ATXN7L2: variants seen among roughly 807,000 people sequenced by gnomAD.
ATXN7L2 encodes ataxin-7-like protein 2.
Under a neutral mutation model 59.6 loss-of-function variants are expected in ATXN7L2, and 17 were observed. That is an observed-to-expected ratio of 0.29 (90% CI 0.20 to 0.43). The LOEUF is 0.43. Ranked by LOEUF, ATXN7L2 falls within the 20% of genes least tolerant of loss-of-function variation. The pLI is 1.00. For synonymous variants in ATXN7L2, 378 were observed against 392.5 expected (o/e 0.96, Z 0.44); for missense variants, 858 against 1,008.9 (o/e 0.85, Z 2.03).
intron 10 of ATXN7L2, chr1:109,492,133 C>T (rs1447649886): frequency 3.8e-6 from 4 of 1,052,086 alleles, no homozygotes; most frequent in Non-Finnish European, 4.6e-6. Flanking sequence ...CTGGTTTTTC[C>T]TCTGGGCATC....
chr1:109,488,293 A>C lies in ATXN7L2; in HGVS notation c.797-90A>C. Reference sequence around the variant, plus strand: ...CTGGAGTCTCTTCTGCCTTAGTACCAGTTCTCAGGCCCTTGGCAGGAAGCG... The same window carrying C: ...CTGGAGTCTCTTCTGCCTTAGTACCCGTTCTCAGGCCCTTGGCAGGAAGCG... On this transcript the variant is annotated intron_variant, in intron 5 of 10. Transcript: ENST00000683729. This position sits in a 1 kb window ranked among gnomAD's most constrained non-coding sequence, Gnocchi z 5.0. 3 of 1,230,222 alleles carry C rather than the reference A, an allele frequency of 2.4e-6. No homozygotes were observed. The highest frequency in any genetic ancestry group is 3.5e-6 in the Non-Finnish European group (3 of 854,582). 76.2% of individuals were successfully genotyped at this position (1,230,222 alleles called of 1,614,324 possible). A position where few individuals can be genotyped will look rare whatever the true frequency, so the allele number is the denominator to read the frequency against.
At chr1:109,490,449 C>T in intron 9 of ATXN7L2, 57 bp downstream of exon 9, 1 of 1,585,542 alleles carries the variant, frequency 6.3e-7, no homozygotes, top group Non-Finnish European at 8.6e-7. Flanking sequence ...AGGTTCCAGA[C>T]ATACTTGGGC....
At position 109,492,691 on chromosome 1, in the gene ATXN7L2, A is replaced by C. The variant is rs1030459146; in HGVS notation, c.*91A>C. 41 of 1,450,324 alleles carry C rather than the reference A, an allele frequency of 2.8e-5. No homozygotes were observed. Among genetic ancestry groups the C allele is most frequent in the Non-Finnish European group, 3.7e-5 (40 of 1,075,352 alleles). 89.8% of individuals were successfully genotyped at this position (1,450,324 alleles called of 1,614,324 possible). Reference sequence around the variant, plus strand: ...GGCTGCTGCCGCTTTTTATAACTTTATATTATTTTTTTTTAAGAAAAAAAG... The same window carrying C: ...GGCTGCTGCCGCTTTTTATAACTTTCTATTATTTTTTTTTAAGAAAAAAAG... On this transcript the variant is annotated 3_prime_UTR_variant, in exon 11 of 11. Coordinates refer to ENST00000683729, the MANE Select transcript of ATXN7L2 (RefSeq NM_001350175.2).
At chr1:109,485,460 C>T in intron 1 of ATXN7L2, 8 of 985,408 alleles carry the variant, frequency 8.1e-6, no homozygotes, top group Non-Finnish European at 9.6e-6. Context: ...CTGTGACCAT[C>T]CTATCAGTGC....
Position 109,489,050 on chromosome 1 carries a change from C to G in ATXN7L2, c.1083C>G (p.Ser361Arg). 6.8e-6 allele frequency: 11 copies of G among 1,614,160 alleles called. No individual in the cohort carries two copies. Among genetic ancestry groups the G allele is most frequent in the Non-Finnish European group, 7.6e-6 (9 of 1,180,006 alleles). Reference protein sequence around the residue: ...QVVAAVAAPSSTFSVRAKQTY... With the variant: ...QVVAAVAAPSRTFSVRAKQTY... ...TAGCAGCGGTGGCTGCTCCCAGCAG[C>G]ACCTTCTCTGTTCGTGCCAAGCAGA... Residue 361 changes from serine to arginine, a missense_variant, in exon 7 of 11, where the codon AGC (serine) becomes AGG (arginine). Around this residue, in one of 3 missense-constraint regions of ATXN7L2, gnomAD observed 734 missense variants for 862.3 expected, o/e 0.85. Coordinates refer to ENST00000683729, the MANE Select transcript of ATXN7L2 (RefSeq NM_001350175.2).
Position 109,491,889 on chromosome 1 carries a change from C to G in ATXN7L2, c.2250+172C>G. ...TAGGTCAGTTCTTAGCAAAGTGACTCCAGCTTTTTGCCTGGTGAACCTTCC... is the reference window on the plus strand; with the variant it reads ...TAGGTCAGTTCTTAGCAAAGTGACTGCAGCTTTTTGCCTGGTGAACCTTCC... On this transcript the variant is annotated intron_variant, in intron 10 of 10. Transcript: ENST00000683729. This position sits in a 1 kb window ranked among gnomAD's most constrained non-coding sequence, Gnocchi z 4.1. 1 of 1,190,798 alleles carries G rather than the reference C, an allele frequency of 8.4e-7. No individual in the cohort carries two copies. Among genetic ancestry groups the G allele is most frequent in the Non-Finnish European group, 1.1e-6 (1 of 884,564 alleles). The allele number at this position is 1,190,798 out of a possible 1,614,324, so 73.8% of individuals were successfully genotyped here.
chr1:109,492,785 A>G, downstream of ATXN7L2: 1 of 728,816 alleles, frequency 1.4e-6, no homozygotes, highest in Non-Finnish European at 2.1e-6. Context: ...ACAGAAACAT[A>G]GAAAAGGAAG....
At position 109,491,006 on chromosome 1, in the gene ATXN7L2, C is replaced by G. The variant is rs1657009220; in HGVS notation, c.1539C>G (p.Thr513=). 3 of 1,613,310 alleles carry G rather than the reference C, an allele frequency of 1.9e-6. No homozygotes were observed. In the Admixed American group the frequency reaches 5.0e-5, roughly 27 times the overall value. The change falls in exon 10 of 11, where the codon ACC becomes ACG. Residue 513 remains threonine, a synonymous_variant. Transcript: ENST00000683729. The surrounding 1 kb of genome is among the most constrained non-coding windows in gnomAD (Gnocchi z 4.1). ...SAPLSPSSTG[T]CPRLPGPTLR... ...CCCTGAGCCCATCCTCTACAGGCAC[C>G]TGCCCCCGCCTTCCAGGTCCAACCC...
At chr1:109,490,834 G>A in intron 9 of ATXN7L2, 88 bp from the exon 10 acceptor site, 1 of 1,412,692 alleles carries the variant, frequency 7.1e-7, no homozygotes. Context: ...CCATTTCTAG[G>A]TGGGGCAGAG....
chr1:109,486,912 A>G lies in ATXN7L2; in HGVS notation c.299-95A>G, dbSNP rs994705290. 6.0e-6 allele frequency: 7 copies of G among 1,157,044 alleles called. No homozygotes were observed. Among genetic ancestry groups the G allele is most frequent in the Non-Finnish European group, 8.4e-6 (7 of 835,490 alleles). 71.7% of individuals were successfully genotyped at this position (1,157,044 alleles called of 1,614,324 possible). On this transcript the variant is annotated intron_variant, in intron 3 of 10. Transcript: ENST00000683729. The surrounding 1 kb of genome is among the most constrained non-coding windows in gnomAD (Gnocchi z 4.3). ...TTTACAATCTAATTTATGGAAACTC[A>G]GATTCTCTCATGTGAGTCTATGGAC...
intron 8 of ATXN7L2, 67 bp downstream of exon 8, chr1:109,490,195 G>T (rs1656932901): frequency 6.3e-7 from 1 of 1,581,370 alleles, no homozygotes. Context: ...ACATGGGGAG[G>T]AGGCCAGATC....
chr1:109,490,472 G>A lies in ATXN7L2; in HGVS notation c.1454+80G>A, dbSNP rs564535655. 324 of 1,546,926 alleles carry A rather than the reference G, an allele frequency of 2.1e-4. 1 individual carries two copies. In the African/African-American group the frequency reaches 3.9e-3, roughly 19 times the overall value. ...GACATACTTGGGCTTCAGAAGCCCT[G>A]ATCTTTCCTGTATACCCATAGGTGT... On this transcript the variant is annotated intron_variant, in intron 9 of 10. Transcript: ENST00000683729.
intron 1 of ATXN7L2, 78 bp downstream of exon 1, chr1:109,484,158 G>T: frequency 1.6e-6 from 2 of 1,265,200 alleles, no homozygotes; most frequent in Non-Finnish European, 2.0e-6. Context: ...CCAGCTGAGG[G>T]GAGCCGCCGA....
chr1:109,491,159 C>T lies in ATXN7L2; in HGVS notation c.1692C>T (p.Ile564=), dbSNP rs770221296. Residue 564 remains isoleucine, a synonymous_variant, in exon 10 of 11, where the codon ATC becomes ATT. Transcript: ENST00000683729. The surrounding 1 kb of genome is among the most constrained non-coding windows in gnomAD (Gnocchi z 4.1). ...QAECMGGSQA[I]TSPLPANTPS... ...AGTGCATGGGCGGGAGCCAGGCTAT[C>T]ACCTCACCACTGCCTGCCAACACGC... The T allele has an allele frequency of 1.2e-6, 2 of 1,613,600 alleles. No homozygotes were observed. The highest frequency in any genetic ancestry group is 1.7e-6 in the Non-Finnish European group (2 of 1,179,962).
Position 109,488,892 on chromosome 1 carries a change from G to A in ATXN7L2, c.925G>A (p.Asp309Asn). ...QRREVQGRAK[D>N]FDVLVAELKA... ...CCGGGAAGTCCAGGGCCGGGCCAAG[G>A]ACTTTGACGTGCTGGTGGCAGAGCT... Residue 309 changes from aspartate (D) to asparagine (N), a missense_variant, in exon 7 of 11, where the codon GAC (aspartate) becomes AAC (asparagine). Transcript: ENST00000683729. This position sits in a 1 kb window ranked among gnomAD's most constrained non-coding sequence, Gnocchi z 5.0. 1.2e-6 allele frequency: 2 copies of A among 1,614,128 alleles called. No individual in the cohort carries two copies. Among genetic ancestry groups the A allele is most frequent in the Non-Finnish European group, 1.7e-6 (2 of 1,180,026 alleles).
At position 109,491,707 on chromosome 1, in the gene ATXN7L2, C is replaced by G. The variant is rs369264814; in HGVS notation, c.2240C>G (p.Ser747Cys). The change falls in exon 10 of 11, where the codon TCT (serine) becomes TGT (cysteine). Residue 747 changes from serine (S) to cysteine (C), a missense_variant. Ser to Cys is a moderately radical substitution (Grantham distance 112). Transcript: ENST00000683729. The surrounding 1 kb of genome is among the most constrained non-coding windows in gnomAD (Gnocchi z 4.1). ...GCCCTGGCCTTTGAGGAGAAGTGCT[C>G]TACACTGAAGGTACCAGCCAGGCTC... Reference protein sequence around the residue: ...GPALAFEEKCSTLKSKAH With the variant: ...GPALAFEEKCCTLKSKAH 6 of 1,599,996 alleles carry G rather than the reference C, an allele frequency of 3.8e-6. No homozygotes were observed. Among genetic ancestry groups the G allele is most frequent in the Non-Finnish European group, 5.1e-6 (6 of 1,171,936 alleles).
At chr1:109,484,899 T>C (rs1197169457) in intron 1 of ATXN7L2, among the ~76,000 whole-genome samples, 2 of 152,200 alleles carry the variant, frequency 1.3e-5, no homozygotes, top group Non-Finnish European at 2.9e-5. Context: ...CTCTGAGACA[T>C]CCGACTCCCA....
In ATXN7L2 at chr1:109,486,994, C is replaced by T; in HGVS notation, c.299-13C>T. ...CACTCACCTTGATTATTCTTTCCAC[C>T]TCCTGGTGACAGAAAGAAGACATGG... On this transcript the variant is annotated splice_polypyrimidine_tract_variant and intron_variant, in intron 3 of 10. Transcript: ENST00000683729. The surrounding 1 kb of genome is among the most constrained non-coding windows in gnomAD (Gnocchi z 4.3). 6.4e-7 allele frequency: 1 copy of T among 1,568,502 alleles called. No individual in the cohort carries two copies. The highest frequency in any genetic ancestry group is 1.2e-5 in the South Asian group (1 of 84,508).
In ATXN7L2 at chr1:109,490,957, T is replaced by G; in HGVS notation, c.1490T>G (p.Leu497Arg). The G allele has an allele frequency of 6.3e-7, 1 of 1,578,206 alleles. No individual in the cohort carries two copies. Among genetic ancestry groups the G allele is most frequent in the Non-Finnish European group, 8.6e-7 (1 of 1,160,258 alleles). ...IPPAAEPPAH[L>R]VNSPLSAPLS... The stretch of plus-strand genomic sequence containing the variant: ...CCGGCAGCTGAACCTCCAGCTCACC[T>G]TGTCAACTCCCCGTTATCTGCTCCC... Residue 497 changes from leucine to arginine, a missense_variant, in exon 10 of 11, where the codon CTT (leucine) becomes CGT (arginine). By Grantham distance (102) the Leu-to-Arg change is moderately radical (BLOSUM62 -2). This residue lies in a region of ATXN7L2 where 734 missense variants were observed against 862.3 expected (regional missense o/e 0.85). Coordinates refer to ENST00000683729, the MANE Select transcript of ATXN7L2 (RefSeq NM_001350175.2).
Sources: gnomAD v4.1 joint callset for allele counts (sites outside exome capture counted in the v4.1 genomes callset) on GRCh38, gnomAD v4.1.1 for gene constraint, gnomAD v4.1.1 regional missense constraint, Gnocchi (gnomAD v3.1) non-coding constraint, MANE v1.5 for transcripts, NCBI Gene and HGNC (gene_info 2026-07-23, HGNC 2026-07-21) for gene names.